The following RABEP2 variants were observed in gnomAD, a reference collection of about 807,000 sequenced individuals.
RABEP2 encodes the protein rab GTPase-binding effector protein 2.
RABEP2 carries 57 observed loss-of-function variants against 74.1 expected under a neutral mutation model. That is an observed-to-expected ratio of 0.77 (90% CI 0.62 to 0.96). The LOEUF (loss-of-function observed/expected upper bound fraction) is 0.96. RABEP2 is among the 40% of genes least tolerant of loss of function. RABEP2 has a pLI of 0.00. For missense variants in RABEP2, 692 were observed against 756.3 expected (o/e 0.91, Z 1.00); for synonymous variants, 351 against 344.0 (o/e 1.02, Z -0.23).
chr16:28,911,613 G>C (rs1020493472), intron 5 of RABEP2, among the ~76,000 whole-genome samples: 2 of 149,284 alleles, frequency 1.3e-5, no homozygotes, highest in Non-Finnish European at 3.0e-5. Context: ...GCAGTGAGCA[G>C]TGAGCAGAGG....
intron 5 of RABEP2, among the ~76,000 whole-genome samples, chr16:28,911,557 G>A (rs921301438): frequency 2.0e-4 from 31 of 151,904 alleles, no homozygotes; most frequent in African/African-American, 3.6e-4. Context: ...TCAGCTACTC[G>A]GGAAACTGAG....
At position 28,918,296 on chromosome 16, in the gene RABEP2, A is replaced by G. The variant is rs1163129064; in HGVS notation, c.432+1490T>C. Among the ~76,000 whole-genome samples the G allele has an allele frequency of 2.0e-5, 3 of 151,996 alleles. No homozygotes were observed. In the East Asian group the frequency reaches 5.8e-4, roughly 29 times the overall value. ...ACAGCAATAATAAAGGAGGTGACAT[A>G]TCATAGAGATTAAGAACACTTTCGA... On this transcript the variant is annotated intron_variant, in intron 3 of 12. Coordinates refer to ENST00000358201, the MANE Select transcript of RABEP2 (RefSeq NM_024816.3).
Position 28,904,925 on chromosome 16 carries a change from TG to T in RABEP2, c.*17del. The T allele has an allele frequency of 6.4e-7, 1 of 1,570,876 alleles. No individual in the cohort carries two copies. The highest frequency in any genetic ancestry group is 8.7e-7 in the Non-Finnish European group (1 of 1,143,816). The stretch of plus-strand genomic sequence containing the variant: ...AAAGGCGTCTTTCCCAGGGTGGGGG[TG>T]GGGATATCCTGACCCCTCAGGTGTC... On this transcript the variant is annotated 3_prime_UTR_variant, in exon 13 of 13. Transcript: ENST00000358201.
Position 28,925,188 on chromosome 16 carries a change from C to A in RABEP2, c.-25G>T. 1.3e-6 allele frequency: 2 copies of A among 1,524,566 alleles called. No homozygotes were observed. Among genetic ancestry groups the A allele is most frequent in the Non-Finnish European group, 1.8e-6 (2 of 1,142,068 alleles). 94.4% of individuals were successfully genotyped at this position (1,524,566 alleles called of 1,614,324 possible). A position where few individuals can be genotyped will look rare whatever the true frequency, so the allele number is the denominator to read the frequency against. ...TTGCCTCAGCGCAAACGGCGGATTC[C>A]CGCACTCCCTGGTGACGGAGCGCAC... On this transcript the variant is annotated 5_prime_UTR_variant, in exon 1 of 13. Coordinates refer to ENST00000358201, the MANE Select transcript of RABEP2 (RefSeq NM_024816.3).
chr16:28,916,121 G>C (rs2152221887), intron 3 of RABEP2: 1 of 151,970 alleles, frequency 6.6e-6, no homozygotes, highest in Middle Eastern at 3.5e-3. Context: ...CTCCCAAAGT[G>C]CTAGGATTAC....
At position 28,904,615 on chromosome 16, in the gene RABEP2, G is replaced by GT. The variant is rs1296520526; in HGVS notation, c.*327dup. ...GACTCCCAGCCCCCATGGCTCCGCT[G>GT]TGCCCTGGGCAGGGGACGGGCTGGG... is the stretch of plus-strand genomic sequence containing the variant. On this transcript the variant is annotated 3_prime_UTR_variant, in exon 13 of 13. Transcript: ENST00000358201. 9.2e-7 allele frequency: 1 copy of GT among 1,089,828 alleles called. No individual in the cohort carries two copies. Among genetic ancestry groups the GT allele is most frequent in the East Asian group, 3.6e-5 (1 of 28,130 alleles). 67.5% of individuals were successfully genotyped at this position (1,089,828 alleles called of 1,614,324 possible). A position where few individuals can be genotyped will look rare whatever the true frequency, so the allele number is the denominator to read the frequency against.
At chr16:28,925,029 C>A (rs1596707028) in intron 1 of RABEP2, 74 bp downstream of exon 1, 2 of 1,457,552 alleles carry the variant, frequency 1.4e-6, no homozygotes, top group East Asian at 2.4e-5. Flanking sequence ...CTCCACCCCC[C>A]ATCCGCAGGT....
intron 5 of RABEP2, among the ~76,000 whole-genome samples, chr16:28,912,725 T>C (rs1321404716): frequency 2.0e-5 from 3 of 152,140 alleles, no homozygotes; most frequent in Admixed American, 6.6e-5. Flanking sequence ...AAGTGAGCTT[T>C]TGAAAGCCTG....
chr16:28,906,323 T>C (rs7188071), intron 8 of RABEP2, 127 bp from the exon 9 acceptor site: 862,997 of 1,289,530 alleles, frequency 0.67, 291,994 homozygotes, highest in East Asian at 0.87. Context: ...AGGGCTAAAG[T>C]GGGGAAGAGC....
chr16:28,921,340 G>C, intron 2 of RABEP2: 1 of 418,132 alleles, frequency 2.4e-6, no homozygotes. Context: ...CCCTTCCTGG[G>C]CTTGGATATC....
At chr16:28,906,679 C>G (rs1478847596) in intron 8 of RABEP2, among the ~76,000 whole-genome samples, 5 of 152,006 alleles carry the variant, frequency 3.3e-5, no homozygotes, top group Admixed American at 6.6e-5. Flanking sequence ...GCAGAAGAAT[C>G]ACTTGAACCT....
chr16:28,908,459 CA>C (rs1964265893), intron 8 of RABEP2, 149 bp downstream of exon 8: 4 of 710,826 alleles, frequency 5.6e-6, no homozygotes, highest in Non-Finnish European at 8.7e-6. Flanking sequence ...TTCCATTTCT[CA>C]GATGAGGAAA....
intron 5 of RABEP2, among the ~76,000 whole-genome samples, chr16:28,911,959 G>T (rs988051623): frequency 1.4e-5 from 2 of 141,660 alleles, no homozygotes; most frequent in Middle Eastern, 4.8e-3. Context: ...AAAAAAAGTG[G>T]ATTCCAGCCG....
intron 8 of RABEP2, among the ~76,000 whole-genome samples, chr16:28,907,574 C>T (rs969681311): frequency 3.5e-4 from 53 of 152,192 alleles, no homozygotes; most frequent in Admixed American, 1.2e-3. Context: ...GCTGTGATTA[C>T]AGGCGTGAGC....
Position 28,904,430 on chromosome 16 carries a change from C to T in RABEP2, c.*513G>A. The T allele has an allele frequency of 6.5e-7, 1 of 1,531,676 alleles. No homozygotes were observed. Among genetic ancestry groups the T allele is most frequent in the South Asian group, 1.2e-5 (1 of 83,194 alleles). The allele number at this position is 1,531,676 out of a possible 1,614,324, so 94.9% of individuals were successfully genotyped here. Reference sequence around the variant, plus strand: ...GGACAAGGCGACCGACTGCGCTGAGCTGCTTATTTATTGAAAATAAACGAC... The same window carrying T: ...GGACAAGGCGACCGACTGCGCTGAGTTGCTTATTTATTGAAAATAAACGAC... On this transcript the variant is annotated 3_prime_UTR_variant, in exon 13 of 13. Coordinates refer to ENST00000358201, the MANE Select transcript of RABEP2 (RefSeq NM_024816.3).
At chr16:28,910,852 C>T in intron 7 of RABEP2, 36 bp downstream of exon 7, 1 of 1,562,204 alleles carries the variant, frequency 6.4e-7, no homozygotes, top group Non-Finnish European at 8.7e-7. Flanking sequence ...CTGCTGGACT[C>T]CTCGCCCTCC....
chr16:28,909,570 T>A (rs1380063093), intron 7 of RABEP2, among the ~76,000 whole-genome samples: 1 of 151,816 alleles, frequency 6.6e-6, no homozygotes, highest in African/African-American at 2.4e-5. Flanking sequence ...ACAAATTAGC[T>A]GGGCATGGTG....
At chr16:28,908,876 C>G in intron 7 of RABEP2, 112 bp from the exon 8 acceptor site, 2 of 1,140,226 alleles carry the variant, frequency 1.8e-6, no homozygotes, top group Non-Finnish European at 2.5e-6. Context: ...AGAGCCCATA[C>G]CCTCTCTGTT....
intron 2 of RABEP2, among the ~76,000 whole-genome samples, chr16:28,920,320 A>C (rs1259274286): frequency 6.6e-6 from 1 of 151,528 alleles, no homozygotes; most frequent in Non-Finnish European, 1.5e-5. Flanking sequence ...ATTAATATAT[A>C]CCAGGAACAG....
Sources: allele counts gnomAD v4.1 joint callset (sites outside exome capture counted in the v4.1 genomes callset), GRCh38; gene constraint gnomAD v4.1.1; transcripts MANE v1.5; gene names NCBI Gene and HGNC (gene_info 2026-07-23, HGNC 2026-07-21).